KIAA1328: variants seen among roughly 807,000 people sequenced by gnomAD.
The protein encoded by KIAA1328 is protein hinderin.
Under a neutral mutation model 68.1 loss-of-function variants are expected in KIAA1328, and 52 were observed. That is an observed-to-expected ratio of 0.76 (90% CI 0.61 to 0.96). KIAA1328 has a LOEUF of 0.96. KIAA1328 is among the 40% of genes least tolerant of loss of function. KIAA1328 has a pLI of 0.00. For synonymous variants in KIAA1328, 232 were observed against 239.4 expected (o/e 0.97, Z 0.28); for missense variants, 641 against 677.6 (o/e 0.95, Z 0.60).
At chr18:37,162,257 T>G in intron 8 of KIAA1328, among the ~76,000 whole-genome samples, 1 of 150,526 alleles carries the variant, frequency 6.6e-6, no homozygotes, top group Non-Finnish European at 1.5e-5. Flanking sequence ...TTTGTGGGGG[T>G]GGGGGAAGGT....
At chr18:36,971,263 G>T (rs1441864007) in intron 6 of KIAA1328, among the ~76,000 whole-genome samples, 2 of 152,136 alleles carry the variant, frequency 1.3e-5, no homozygotes, top group African/African-American at 4.8e-5. Flanking sequence ...ACTGAAACTG[G>T]ACCCCTTCCT....
chr18:37,203,145 A>T (rs1044413477), intron 9 of KIAA1328, among the ~76,000 whole-genome samples: 1 of 151,944 alleles, frequency 6.6e-6, no homozygotes, highest in Non-Finnish European at 1.5e-5. Flanking sequence ...TTCAAAAGAG[A>T]AAACTAAATT....
At chr18:36,944,134 AAT>A (rs1308454579) in intron 5 of KIAA1328, among the ~76,000 whole-genome samples, 4 of 152,214 alleles carry the variant, frequency 2.6e-5, no homozygotes, top group South Asian at 4.1e-4. Context: ...TATAGTACCA[AAT>A]ATGTGTGCAT....
At chr18:36,877,981 T>C (rs1331415288) in intron 4 of KIAA1328, among the ~76,000 whole-genome samples, 2 of 152,174 alleles carry the variant, frequency 1.3e-5, no homozygotes, top group Non-Finnish European at 2.9e-5. Context: ...CTGTGTCTTT[T>C]AATTGGGGCA....
chr18:37,159,493 C>G (rs772339365), intron 7 of KIAA1328, among the ~76,000 whole-genome samples: 2 of 151,392 alleles, frequency 1.3e-5, no homozygotes, highest in Non-Finnish European at 2.9e-5. Context: ...TGAACAAACA[C>G]GAAGAGGGAA....
intron 6 of KIAA1328, among the ~76,000 whole-genome samples, chr18:37,045,861 G>T (rs569936839): frequency 6.6e-6 from 1 of 152,320 alleles, no homozygotes; most frequent in South Asian, 2.1e-4. Context: ...TATAACACAT[G>T]TGAGGAACCA....
At chr18:36,927,329 AAAAT>A (rs1297640058) in intron 5 of KIAA1328, among the ~76,000 whole-genome samples, 22 of 152,216 alleles carry the variant, frequency 1.4e-4, no homozygotes, top group Non-Finnish European at 2.6e-4. Flanking sequence ...AAATGATTCT[AAAAT>A]AAAAAGCTTA....
At chr18:36,898,154 T>C (rs1221300768) in intron 5 of KIAA1328, among the ~76,000 whole-genome samples, 2 of 152,036 alleles carry the variant, frequency 1.3e-5, no homozygotes, top group Non-Finnish European at 2.9e-5. Flanking sequence ...TGTGAAGACA[T>C]ATTTGATATA....
At position 36,958,043 on chromosome 18, in the gene KIAA1328, T is replaced by C. The variant is rs187366820; in HGVS notation, c.449-1265T>C. Among the ~76,000 whole-genome samples, 14 of 152,290 alleles carry C rather than the reference T, an allele frequency of 9.2e-5. No homozygotes were observed. In the East Asian group the frequency reaches 2.5e-3, roughly 27 times the overall value. On this transcript the variant is annotated intron_variant, in intron 5 of 9. Transcript: ENST00000280020. ...GCCTGTTCTGAACATTTTATACAAATGAAATCATGCAATATATGGCCTTTT... is the reference window on the plus strand; with the variant it reads ...GCCTGTTCTGAACATTTTATACAAACGAAATCATGCAATATATGGCCTTTT...
At chr18:36,870,222 C>T (rs1299735060) in intron 4 of KIAA1328, among the ~76,000 whole-genome samples, 1 of 152,074 alleles carries the variant, frequency 6.6e-6, no homozygotes, top group African/African-American at 2.4e-5. Context: ...ATTAGTGATC[C>T]TTTGCTCTGT....
chr18:36,863,836 A>G (rs1392750280), intron 4 of KIAA1328, among the ~76,000 whole-genome samples: 1 of 152,164 alleles, frequency 6.6e-6, no homozygotes, highest in Non-Finnish European at 1.5e-5. Context: ...TAGAAATATG[A>G]TTGAATTTTG....
At chr18:36,924,119 A>G (rs2050027712) in intron 5 of KIAA1328, among the ~76,000 whole-genome samples, 1 of 151,948 alleles carries the variant, frequency 6.6e-6, no homozygotes, top group Non-Finnish European at 1.5e-5. Flanking sequence ...GGGTAAGTTG[A>G]TCTGATTTGT....
chr18:36,914,962 A>G (rs1006368712), intron 5 of KIAA1328, among the ~76,000 whole-genome samples: 5 of 152,250 alleles, frequency 3.3e-5, no homozygotes, highest in African/African-American at 1.2e-4. Flanking sequence ...CATAGTGAAG[A>G]TGTTAATTAT....
intron 5 of KIAA1328, among the ~76,000 whole-genome samples, chr18:36,924,387 A>G (rs1295823803): frequency 1.3e-5 from 2 of 152,132 alleles, no homozygotes; most frequent in African/African-American, 4.8e-5. Flanking sequence ...GGAAGGAGAC[A>G]TTTGAATGCT....
At chr18:37,116,919 A>G (rs1015078566) in intron 7 of KIAA1328, among the ~76,000 whole-genome samples, 1 of 152,248 alleles carries the variant, frequency 6.6e-6, no homozygotes, top group East Asian at 1.9e-4. Context: ...AATGCTCATC[A>G]TCACTGGCCA....
intron 7 of KIAA1328, among the ~76,000 whole-genome samples, chr18:37,135,247 CT>C (rs1202785687): frequency 6.6e-6 from 1 of 152,152 alleles, no homozygotes; most frequent in Non-Finnish European, 1.5e-5. Flanking sequence ...AACGGTAGTG[CT>C]GTTTTAAGTT....
intron 6 of KIAA1328, among the ~76,000 whole-genome samples, chr18:36,984,966 C>T (rs919220791): frequency 6.7e-6 from 1 of 149,550 alleles, no homozygotes; most frequent in African/African-American, 2.5e-5. Flanking sequence ...TAAGGACATA[C>T]GATACTGTTA....
At chr18:37,153,832 A>G (rs974997595) in intron 7 of KIAA1328, among the ~76,000 whole-genome samples, 2 of 149,054 alleles carry the variant, frequency 1.3e-5, no homozygotes, top group African/African-American at 5.0e-5. Flanking sequence ...TGGTCTTCTA[A>G]ATCAAGGACT....
chr18:36,843,555 G>T (rs1036606023), intron 3 of KIAA1328, among the ~76,000 whole-genome samples: 1 of 152,138 alleles, frequency 6.6e-6, no homozygotes, highest in African/African-American at 2.4e-5. Flanking sequence ...TGTTTAAAGA[G>T]CACAGACTCT....
Sources: allele counts gnomAD v4.1 joint callset (sites outside exome capture counted in the v4.1 genomes callset), GRCh38; gene constraint gnomAD v4.1.1; transcripts MANE v1.5; gene names NCBI Gene and HGNC (gene_info 2026-07-23, HGNC 2026-07-21).